Variants in RRBP1 observed in about 807,000 individuals in gnomAD.
RRBP1 encodes the protein ribosome binding protein 1, also known as ribosome-binding protein 1.
RRBP1 carries 94 observed loss-of-function variants against 165.2 expected under a neutral mutation model. The observed-to-expected ratio is 0.57, with a 90% CI of 0.48 to 0.68. The LOEUF (loss-of-function observed/expected upper bound fraction) is 0.68, where lower values mean the gene tolerates loss of function less well. Ranked by LOEUF, RRBP1 falls within the 30% of genes least tolerant of loss-of-function variation. The probability of loss-of-function intolerance (pLI) is 0.00; values close to 1 mark genes in which losing one functional copy is unlikely to be tolerated. For missense variants in RRBP1, 1,676 were observed against 1,763.0 expected (o/e 0.95, Z 0.88); for synonymous variants, 680 against 714.5 (o/e 0.95, Z 0.77).
chr20:17,627,604 A>G lies in RRBP1; in HGVS notation c.2828T>C (p.Leu943Pro), dbSNP rs1373746435. The G allele has an allele frequency of 1.2e-6, 2 of 1,613,360 alleles. No homozygotes were observed. Among genetic ancestry groups the G allele is most frequent in the Non-Finnish European group, 1.7e-6 (2 of 1,179,934 alleles). The change falls in exon 10 of 25, where the codon CTC (leucine) becomes CCC (proline). Residue 943 changes from leucine (L) to proline (P), a missense_variant. Leu to Pro is a moderately conservative substitution (Grantham distance 98). This residue lies in a region of RRBP1 where 1,184 missense variants were observed against 1,167.1 expected (regional missense o/e 1.01). Coordinates refer to ENST00000377813, the MANE Select transcript of RRBP1 (RefSeq NM_001365613.2). ...GGAGTTCTCCGCCCTGGCCTCCTGG[A>G]GCTGCCCGTGGAGGCCACTCAGCTC... ...CEELSGLHGQLQEARAENSQL... is the reference protein window; with the variant it reads ...CEELSGLHGQPQEARAENSQL...
intron 2 of RRBP1, among the ~76,000 whole-genome samples, chr20:17,665,961 C>G (rs1008830646): frequency 6.6e-6 from 1 of 152,156 alleles, no homozygotes; most frequent in South Asian, 2.1e-4. Flanking sequence ...TTCCTTCCCC[C>G]ACAGACTCAG....
chr20:17,631,064 G>A (rs1454245036), intron 8 of RRBP1, among the ~76,000 whole-genome samples: 1 of 152,238 alleles, frequency 6.6e-6, no homozygotes, highest in Non-Finnish European at 1.5e-5. Flanking sequence ...GGCAGCTTTA[G>A]GATGGGCAGT....
At chr20:17,633,349 G>T in intron 8 of RRBP1, 111 bp downstream of exon 8, 1 of 1,170,414 alleles carries the variant, frequency 8.5e-7, no homozygotes, top group Non-Finnish European at 1.2e-6. Flanking sequence ...CCCAGTCAAG[G>T]CTAGAAACGG....
chr20:17,618,751 G>C, intron 19 of RRBP1, 72 bp from the exon 20 acceptor site: 1 of 1,202,564 alleles, frequency 8.3e-7, no homozygotes, highest in South Asian at 1.2e-5. Flanking sequence ...CCGTGAGTTA[G>C]CGCCGAAACA....
intron 2 of RRBP1, among the ~76,000 whole-genome samples, chr20:17,667,179 G>A (rs897323439): frequency 2.0e-5 from 3 of 152,084 alleles, no homozygotes; most frequent in Admixed American, 6.6e-5. Context: ...GTACAGGTAG[G>A]GTTTTCTGTT....
intron 9 of RRBP1, among the ~76,000 whole-genome samples, chr20:17,628,851 T>C (rs1487895974): frequency 6.6e-6 from 1 of 152,222 alleles, no homozygotes; most frequent in Non-Finnish European, 1.5e-5. Context: ...TTCCAAGTGA[T>C]ATCAATGAAG....
intron 2 of RRBP1, among the ~76,000 whole-genome samples, chr20:17,674,276 C>T (rs1487249064): frequency 6.6e-6 from 1 of 152,110 alleles, no homozygotes; most frequent in African/African-American, 2.4e-5. Flanking sequence ...TGGGGCTGGA[C>T]GTAGTATTGC....
chr20:17,657,614 G>C (rs1323328650), intron 3 of RRBP1, among the ~76,000 whole-genome samples: 4 of 152,052 alleles, frequency 2.6e-5, no homozygotes, highest in Admixed American at 2.0e-4. Context: ...GAAAGGAGAG[G>C]AGAGGAGAGG....
intron 3 of RRBP1, among the ~76,000 whole-genome samples, chr20:17,646,389 G>A (rs561776345): frequency 5.2e-4 from 79 of 152,326 alleles, no homozygotes; most frequent in African/African-American, 1.8e-3. Flanking sequence ...TCTGTCCTTG[G>A]GCAGTGGGGC....
At position 17,660,028 on chromosome 20, in the gene RRBP1, G is replaced by A. The variant is rs778671797; in HGVS notation, c.480C>T (p.Ile160=). Residue 160 remains isoleucine (I), a synonymous_variant, in exon 3 of 25, where the codon ATC becomes ATT. Coordinates refer to ENST00000377813, the MANE Select transcript of RRBP1 (RefSeq NM_001365613.2). ...EPAVSSVVNS[I]QVLTSKAAIL... ...TGGCAGCCTTCGAAGTGAGAACCTG[G>A]ATGGAATTCACTACAGAGCTGACAG... 1 of 1,613,344 alleles carries A rather than the reference G, an allele frequency of 6.2e-7. No individual in the cohort carries two copies. The highest frequency in any genetic ancestry group is 8.5e-7 in the Non-Finnish European group (1 of 1,179,650).
At chr20:17,627,475 C>T (rs747401938) in intron 10 of RRBP1, 29 bp downstream of exon 10, 2 of 1,605,594 alleles carry the variant, frequency 1.2e-6, no homozygotes, top group South Asian at 1.1e-5. Flanking sequence ...GTTCCCTTTC[C>T]TCCCCGTGGC....
At chr20:17,629,194 GC>G (rs2036096704) in intron 9 of RRBP1, among the ~76,000 whole-genome samples, 1 of 152,248 alleles carries the variant, frequency 6.6e-6, no homozygotes, top group Admixed American at 6.5e-5. Flanking sequence ...GTCCAGCCCA[GC>G]CCGGCACCCA....
At chr20:17,619,172 G>A in intron 19 of RRBP1, 1 of 176,444 alleles carries the variant, frequency 5.7e-6, no homozygotes, top group East Asian at 1.5e-4. Context: ...ATCCACCTCA[G>A]CCTTTCAAAG....
chr20:17,614,334 C>G (rs1411052164), intron 24 of RRBP1, 114 bp from the exon 25 acceptor site: 4 of 990,154 alleles, frequency 4.0e-6, no homozygotes, highest in Non-Finnish European at 6.2e-6. Context: ...TCAAGCCACT[C>G]CAGTCCCTCA....
At chr20:17,633,703 G>T (rs1005925846) in intron 7 of RRBP1, 90 bp from the exon 8 acceptor site, 2 of 1,362,034 alleles carry the variant, frequency 1.5e-6, no homozygotes, top group Non-Finnish European at 2.0e-6. Context: ...CAGCTCTCTT[G>T]TAAGTAAGCA....
chr20:17,677,795 C>T (rs557330930), intron 2 of RRBP1, among the ~76,000 whole-genome samples: 7 of 151,992 alleles, frequency 4.6e-5, no homozygotes, highest in Admixed American at 2.6e-4. Flanking sequence ...ACCAAGATCA[C>T]GCCATTGGAC....
At chr20:17,648,211 C>T (rs2036498912) in intron 3 of RRBP1, among the ~76,000 whole-genome samples, 1 of 152,030 alleles carries the variant, frequency 6.6e-6, no homozygotes, top group African/African-American at 2.4e-5. Context: ...AACATCACTG[C>T]TGGCCTCTAA....
chr20:17,664,610 G>C (rs549070153), intron 2 of RRBP1, among the ~76,000 whole-genome samples: 172 of 152,328 alleles, frequency 1.1e-3, no homozygotes, highest in African/African-American at 4.0e-3. Context: ...ACAAAAGTAA[G>C]AGGAAGCCCC....
At chr20:17,681,476 G>C (rs2037186155) in intron 1 of RRBP1, among the ~76,000 whole-genome samples, 1 of 148,364 alleles carries the variant, frequency 6.7e-6, no homozygotes, top group South Asian at 2.1e-4. Context: ...CCCGGGACCG[G>C]CGCGCTCGGC....
Sources: allele counts gnomAD v4.1 joint callset (sites outside exome capture counted in the v4.1 genomes callset), GRCh38; gene constraint gnomAD v4.1.1; regional missense constraint gnomAD v4.1.1; transcripts MANE v1.5; gene names NCBI Gene and HGNC (gene_info 2026-07-23, HGNC 2026-07-21).